The following LRP11 variants were observed in gnomAD, a reference collection of about 807,000 sequenced individuals.
LRP11 encodes the protein low-density lipoprotein receptor-related protein 11.
A neutral mutation model predicts 43.1 loss-of-function variants in LRP11; 25 were observed. That is an observed-to-expected ratio of 0.58 (90% CI 0.42 to 0.81). LRP11 has a LOEUF of 0.81. LRP11 is among the 30% of genes least tolerant of loss of function. The probability of loss-of-function intolerance (pLI) is 0.00; values close to 1 mark genes in which losing one functional copy is unlikely to be tolerated. For missense variants in LRP11, 623 were observed against 665.1 expected (o/e 0.94, Z 0.70); for synonymous variants, 316 against 299.4 (o/e 1.06, Z -0.57).
Position 149,836,085 on chromosome 6 carries a change from C to T in LRP11, c.1252G>A (p.Asp418Asn). Residue 418 changes from aspartate (D) to asparagine (N), a missense_variant and splice_region_variant, in exon 5 of 7, where the codon GAT becomes AAT. Coordinates refer to ENST00000239367, the MANE Select transcript of LRP11 (RefSeq NM_032832.6). ...PESQIIPVMPDSSSSGKNRKE... is the reference protein window; with the variant it reads ...PESQIIPVMPNSSSSGKNRKE... Reference sequence around the variant, plus strand: ...TTGAGAACCCACCGTGAATCCTTACCTGGCATCACAGGAATGATTTGACTC... The same window carrying T: ...TTGAGAACCCACCGTGAATCCTTACTTGGCATCACAGGAATGATTTGACTC... 2 of 1,613,218 alleles carry T rather than the reference C, an allele frequency of 1.2e-6. No homozygotes were observed. Among genetic ancestry groups the T allele is most frequent in the Non-Finnish European group, 1.7e-6 (2 of 1,179,216 alleles).
Position 149,863,409 on chromosome 6 carries a change from C to G in LRP11, c.612G>C (p.Gln204His). The G allele has an allele frequency of 7.5e-7, 1 of 1,341,566 alleles. No homozygotes were observed. The highest frequency in any genetic ancestry group is 9.5e-7 in the Non-Finnish European group (1 of 1,054,824). The allele number at this position is 1,341,566 out of a possible 1,614,324, so 83.1% of individuals were successfully genotyped here. ...ALATARASPR[Q>H]EKDAPPLSKA... ...CCGGCCCCTCAGTCGCGCGCTTACC[C>G]TGCCGGGGCGAGGCGCGCGCGGTGG... The change falls in exon 1 of 7, where the codon CAG becomes CAC. Residue 204 changes from glutamine (Q) to histidine (H), a missense_variant and splice_region_variant. Transcript: ENST00000239367.
intron 3 of LRP11, among the ~76,000 whole-genome samples, chr6:149,842,036 T>C (rs1418842886): frequency 2.0e-5 from 3 of 152,256 alleles, no homozygotes; most frequent in African/African-American, 4.8e-5. Context: ...AGTTATATTA[T>C]TAATATAACT....
At chr6:149,846,174 G>T (rs1159952072) in intron 2 of LRP11, among the ~76,000 whole-genome samples, 1 of 152,172 alleles carries the variant, frequency 6.6e-6, no homozygotes, top group East Asian at 1.9e-4. Context: ...ACAAAGACAG[G>T]GCAAGGTGCA....
rs897114872 is a variant in LRP11, at chr6:149,819,306, T to C, written c.*1243A>G. On this transcript the variant is annotated 3_prime_UTR_variant, in exon 7 of 7. Coordinates refer to ENST00000239367, the MANE Select transcript of LRP11 (RefSeq NM_032832.6). ...AATATTTTAAAATATTTGCCACTTA[T>C]GGTTAAAAAAAACGTGAATAAGAAT... The C allele has an allele frequency of 3.3e-5, 5 of 152,236 alleles. No individual in the cohort carries two copies. Among genetic ancestry groups the C allele is most frequent in the African/African-American group, 4.8e-5 (2 of 41,524 alleles). The allele number at this position is 152,236 out of a possible 1,614,324, so 9.4% of individuals were successfully genotyped here.
At chr6:149,844,126 G>A (rs1341981036) in intron 2 of LRP11, among the ~76,000 whole-genome samples, 3 of 151,806 alleles carry the variant, frequency 2.0e-5, no homozygotes, top group East Asian at 1.9e-4. Flanking sequence ...GGTGGCGTGC[G>A]CCTGTAGTCC....
intron 5 of LRP11, 40 bp from the exon 6 acceptor site, chr6:149,826,399 A>G (rs756550266): frequency 7.1e-6 from 10 of 1,408,528 alleles, no homozygotes; most frequent in Middle Eastern, 1.8e-4. Context: ...AGGTGTATGC[A>G]TCAGAAACTT....
chr6:149,863,806 T>C lies in LRP11; in HGVS notation c.215A>G (p.Gln72Arg). The C allele has an allele frequency of 6.7e-7, 1 of 1,500,994 alleles. No homozygotes were observed. The highest frequency in any genetic ancestry group is 8.8e-7 in the Non-Finnish European group (1 of 1,133,064). 93.0% of individuals were successfully genotyped at this position (1,500,994 alleles called of 1,614,324 possible). The change falls in exon 1 of 7, where the codon CAG becomes CGG. Residue 72 changes from glutamine (Q) to arginine (R), a missense_variant. Coordinates refer to ENST00000239367, the MANE Select transcript of LRP11 (RefSeq NM_032832.6). ...GCGCAGCTCCAGCTCCAGCTCCTCC[T>C]GAGGCCGCTCCTGCTGCAGTTGCCG... ...FRRQLQQERP[Q>R]EELELELRAG... is the part of the protein sequence containing the mutation.
intron 1 of LRP11, among the ~76,000 whole-genome samples, chr6:149,859,396 A>ATATATATATATATATATATATTTTTTTT: frequency 5.6e-5 from 4 of 71,494 alleles, no homozygotes; most frequent in African/African-American, 3.3e-4. Context: ...ATATATATAT[A>ATATATATATATATATATATATTTTTTTT]TTTTTTTTTT....
intron 6 of LRP11, among the ~76,000 whole-genome samples, chr6:149,821,402 T>C (rs910755547): frequency 6.6e-6 from 1 of 152,232 alleles, no homozygotes; most frequent in Non-Finnish European, 1.5e-5. Context: ...TACATGATCA[T>C]TCTTCAACTA....
chr6:149,826,816 C>T (rs752973855), intron 5 of LRP11, among the ~76,000 whole-genome samples: 1 of 152,126 alleles, frequency 6.6e-6, no homozygotes, highest in African/African-American at 2.4e-5. Context: ...TCTGGTTAGG[C>T]TCAGGGTCAG....
chr6:149,824,233 C>A (rs1247303324), intron 6 of LRP11, among the ~76,000 whole-genome samples: 1 of 152,156 alleles, frequency 6.6e-6, no homozygotes, highest in Non-Finnish European at 1.5e-5. Flanking sequence ...AGATGCCAAT[C>A]CCAATGCCGG....
intron 1 of LRP11, among the ~76,000 whole-genome samples, chr6:149,856,290 T>A (rs1776798039): frequency 6.6e-6 from 1 of 152,200 alleles, no homozygotes; most frequent in African/African-American, 2.4e-5. Flanking sequence ...AAGAAAAAGA[T>A]CATTTTAGTC....
chr6:149,848,713 G>A (rs766523524), intron 2 of LRP11, among the ~76,000 whole-genome samples: 10 of 151,910 alleles, frequency 6.6e-5, no homozygotes, highest in Non-Finnish European at 1.0e-4. Context: ...ACAGCACAAC[G>A]CTGGGACCTA....
At chr6:149,847,056 A>C (rs1038921385) in intron 2 of LRP11, among the ~76,000 whole-genome samples, 1 of 152,116 alleles carries the variant, frequency 6.6e-6, no homozygotes, top group Non-Finnish European at 1.5e-5. Flanking sequence ...TGGGTGTACC[A>C]TCCATGAGGC....
At chr6:149,821,701 A>C (rs1388417116) in intron 6 of LRP11, among the ~76,000 whole-genome samples, 2 of 152,054 alleles carry the variant, frequency 1.3e-5, no homozygotes, top group African/African-American at 4.8e-5. Context: ...AGTCTGATCT[A>C]CTCTGTGGCC....
At chr6:149,861,855 T>C (rs763930506) in intron 1 of LRP11, among the ~76,000 whole-genome samples, 22 of 152,266 alleles carry the variant, frequency 1.4e-4, no homozygotes, top group Non-Finnish European at 1.9e-4. Flanking sequence ...TTTTGTTCTA[T>C]GGCATATTCT....
intron 1 of LRP11, 139 bp from the exon 2 acceptor site, chr6:149,853,299 TATTTA>T (rs1776750954): frequency 1.4e-6 from 1 of 697,582 alleles, no homozygotes; most frequent in Non-Finnish European, 2.2e-6. Context: ...ATTATTTTTC[TATTTA>T]TTTTATGATC....
At chr6:149,851,336 G>T (rs1776716156) in intron 2 of LRP11, among the ~76,000 whole-genome samples, 1 of 152,106 alleles carries the variant, frequency 6.6e-6, no homozygotes, top group Non-Finnish European at 1.5e-5. Flanking sequence ...TTAAATATGG[G>T]GTTCAATTAG....
chr6:149,862,544 G>A (rs1452665898), intron 1 of LRP11, among the ~76,000 whole-genome samples: 6 of 147,978 alleles, frequency 4.1e-5, no homozygotes, highest in Non-Finnish European at 6.0e-5. Flanking sequence ...TAGTCCTTAA[G>A]AAACACGCTT....
Sources: gnomAD v4.1 joint callset for allele counts (sites outside exome capture counted in the v4.1 genomes callset) on GRCh38, gnomAD v4.1.1 for gene constraint, MANE v1.5 for transcripts, NCBI Gene and HGNC (gene_info 2026-07-23, HGNC 2026-07-21) for gene names.